The following OPCML variants were observed in gnomAD, a reference collection of about 807,000 sequenced individuals.
OPCML encodes the protein opioid-binding protein/cell adhesion molecule.
Under a neutral mutation model 37.8 loss-of-function variants are expected in OPCML, and 13 were observed. That is an observed-to-expected ratio of 0.34 (90% CI 0.22 to 0.55). The LOEUF is 0.55. Ranked by LOEUF, OPCML falls within the 20% of genes least tolerant of loss-of-function variation. OPCML has a pLI of 0.91. For missense variants in OPCML, 341 were observed against 435.6 expected (o/e 0.78, Z 1.93); for synonymous variants, 176 against 168.8 (o/e 1.04, Z -0.33).
chr11:132,683,194 T>C (rs1378269547), intron 2 of OPCML, among the ~76,000 whole-genome samples: 2 of 151,730 alleles, frequency 1.3e-5, no homozygotes, highest in Non-Finnish European at 2.9e-5. Context: ...GCTGGAAGAG[T>C]TGGAGACCAG....
chr11:133,098,860 G>T (rs75050550), intron 1 of OPCML, among the ~76,000 whole-genome samples: 3,216 of 152,194 alleles, frequency 0.021, 84 homozygotes, highest in African/African-American at 0.063. Flanking sequence ...GCATATAGAT[G>T]GGGAAGGAAG....
chr11:132,712,233 A>G (rs2135951863), intron 2 of OPCML, among the ~76,000 whole-genome samples: 1 of 152,256 alleles, frequency 6.6e-6, no homozygotes, highest in African/African-American at 2.4e-5. Context: ...AATTAGCGGA[A>G]CTGCAGGCTA....
intron 3 of OPCML, among the ~76,000 whole-genome samples, chr11:132,567,903 A>G (rs2096427671): frequency 6.6e-6 from 1 of 152,204 alleles, no homozygotes; most frequent in African/African-American, 2.4e-5. Context: ...GACTTTGGTC[A>G]TGTATGTGCC....
intron 1 of OPCML, among the ~76,000 whole-genome samples, chr11:133,351,861 C>T (rs1378668225): frequency 6.6e-6 from 1 of 152,130 alleles, no homozygotes; most frequent in African/African-American, 2.4e-5. Context: ...TCAGTCTTAG[C>T]AAACGACACT....
chr11:133,188,761 A>T (rs2136297717), intron 1 of OPCML, among the ~76,000 whole-genome samples: 1 of 152,254 alleles, frequency 6.6e-6, no homozygotes, highest in South Asian at 2.1e-4. Context: ...TCAAATGAAG[A>T]TCTATAAATT....
At position 133,420,412 on chromosome 11, in the gene OPCML, T is replaced by C. The variant is rs112415748; in HGVS notation, c.61+111852A>G. ...TCTTTTTAATTAACTCTTTGTTCAA[T>C]GCAGTATATCAGTTGAATTTCAGTT... On this transcript the variant is annotated intron_variant, in intron 1 of 7. Transcript: ENST00000524381. 5.6e-3 allele frequency: 5,565 copies of C among 985,438 alleles called. 194 individuals are homozygous for C. In the African/African-American group the frequency reaches 0.082, roughly 14 times the overall value. 61.0% of individuals were successfully genotyped at this position (985,438 alleles called of 1,614,324 possible).
intron 2 of OPCML, among the ~76,000 whole-genome samples, chr11:132,760,940 T>C (rs1946239597): frequency 6.6e-6 from 1 of 152,148 alleles, no homozygotes; most frequent in South Asian, 2.1e-4. Flanking sequence ...CTGGTACCAG[T>C]TTTTCCTTTC....
chr11:132,612,888 T>C (rs1353106962), intron 3 of OPCML, among the ~76,000 whole-genome samples: 1 of 152,130 alleles, frequency 6.6e-6, no homozygotes, highest in Non-Finnish European at 1.5e-5. Context: ...GAGCCATAAA[T>C]GCTCCATAAG....
chr11:133,101,028 G>A (rs947527851), intron 1 of OPCML, among the ~76,000 whole-genome samples: 5 of 152,190 alleles, frequency 3.3e-5, no homozygotes, highest in South Asian at 2.1e-4. Context: ...GGGTTCAAGC[G>A]ATTCTCCTGC....
chr11:132,978,980 CAT>C (rs1356926537), intron 1 of OPCML, among the ~76,000 whole-genome samples: 18 of 152,302 alleles, frequency 1.2e-4, no homozygotes, highest in Middle Eastern at 3.4e-3. Context: ...ACAGCCCCCA[CAT>C]GTTTCACATC....
chr11:132,425,795 G>A (rs2095976015), intron 7 of OPCML, among the ~76,000 whole-genome samples: 1 of 152,180 alleles, frequency 6.6e-6, no homozygotes, highest in African/African-American at 2.4e-5. Flanking sequence ...CTAACCACAG[G>A]TAAAATCTTC....
chr11:132,531,999 G>C (rs189990096), intron 3 of OPCML, among the ~76,000 whole-genome samples: 2 of 152,138 alleles, frequency 1.3e-5, no homozygotes, highest in Admixed American at 6.6e-5. Context: ...GTCAGTGAAT[G>C]GAGACAGCTA....
intron 1 of OPCML, among the ~76,000 whole-genome samples, chr11:133,327,195 G>A (rs1943494085): frequency 6.6e-6 from 1 of 150,738 alleles, no homozygotes; most frequent in Non-Finnish European, 1.5e-5. Flanking sequence ...GGTGGGGTGT[G>A]TGTATGAGGG....
intron 1 of OPCML, among the ~76,000 whole-genome samples, chr11:133,280,006 G>T (rs998035902): frequency 2.6e-5 from 4 of 152,196 alleles, no homozygotes; most frequent in African/African-American, 7.2e-5. Flanking sequence ...CTAACAGGAT[G>T]AGAAGTAGAT....
intron 1 of OPCML, among the ~76,000 whole-genome samples, chr11:133,064,461 A>C (rs1021995389): frequency 1.3e-5 from 2 of 152,178 alleles, no homozygotes; most frequent in Non-Finnish European, 2.9e-5. Context: ...GACCAGGAGG[A>C]GGGTCAAATG....
At chr11:133,428,750 T>C (rs1439831801) in intron 1 of OPCML, among the ~76,000 whole-genome samples, 2 of 152,138 alleles carry the variant, frequency 1.3e-5, no homozygotes, top group Admixed American at 6.5e-5. Flanking sequence ...TATAAAGATA[T>C]TAATTCTTTG....
intron 1 of OPCML, among the ~76,000 whole-genome samples, chr11:133,114,663 G>A (rs1949304594): frequency 6.6e-6 from 1 of 152,056 alleles, no homozygotes; most frequent in Non-Finnish European, 1.5e-5. Flanking sequence ...TTTTTACAAG[G>A]CATAAGATCC....
intron 1 of OPCML, among the ~76,000 whole-genome samples, chr11:133,497,022 A>C (rs1398459086): frequency 6.6e-6 from 1 of 152,116 alleles, no homozygotes; most frequent in Non-Finnish European, 1.5e-5. Context: ...ATTCAGTATT[A>C]TGTTGGCTGT....
chr11:133,369,479 G>A (rs1459140539), intron 1 of OPCML, among the ~76,000 whole-genome samples: 1 of 152,174 alleles, frequency 6.6e-6, no homozygotes, highest in Non-Finnish European at 1.5e-5. Context: ...TTTAAACAGG[G>A]TAAGAGTGGT....
Sources: gnomAD v4.1 joint callset for allele counts (sites outside exome capture counted in the v4.1 genomes callset) on GRCh38, gnomAD v4.1.1 for gene constraint, MANE v1.5 for transcripts, NCBI Gene and HGNC (gene_info 2026-07-23, HGNC 2026-07-21) for gene names.